Variants in UBA6 observed in about 807,000 individuals in gnomAD.
UBA6 encodes ubiquitin like modifier activating enzyme 6, also known as ubiquitin-like modifier-activating enzyme 6.
A neutral mutation model predicts 148.3 loss-of-function variants in UBA6; 87 were observed. The observed-to-expected ratio is 0.59, with a 90% CI of 0.49 to 0.70. UBA6 has a LOEUF of 0.70. Ranked by LOEUF, UBA6 falls within the 30% of genes least tolerant of loss-of-function variation. The probability of loss-of-function intolerance (pLI) is 0.00; values close to 1 mark genes in which losing one functional copy is unlikely to be tolerated. For missense variants in UBA6, 1,186 were observed against 1,241.2 expected, an observed-to-expected ratio of 0.96 and a Z score of 0.67; for synonymous variants, 376 against 401.0, an observed-to-expected ratio of 0.94 and a Z score of 0.75.
intron 28 of UBA6, 52 bp downstream of exon 28, chr4:67,626,308 G>GA: frequency 9.1e-7 from 1 of 1,095,882 alleles, no homozygotes; most frequent in Middle Eastern, 2.4e-4. Context: ...AGAGCTTAGT[G>GA]AAAATAAAAA....
chr4:67,631,025 C>T (rs1728984712), intron 25 of UBA6, among the ~76,000 whole-genome samples: 2 of 152,062 alleles, frequency 1.3e-5, no homozygotes, highest in African/African-American at 4.8e-5. Context: ...GAGTTATCTG[C>T]TGAAAGGAAG....
At chr4:67,637,965 T>TAAAA (rs1553905914) in intron 19 of UBA6, among the ~76,000 whole-genome samples, 1 of 150,008 alleles carries the variant, frequency 6.7e-6, no homozygotes, top group Non-Finnish European at 1.5e-5. Context: ...AATAAATAAA[T>TAAAA]AAAAAGAAAT....
chr4:67,691,581 AT>A (rs981819871), intron 2 of UBA6, among the ~76,000 whole-genome samples: 2 of 152,186 alleles, frequency 1.3e-5, no homozygotes, highest in Non-Finnish European at 2.9e-5. Context: ...ATATTTTTTC[AT>A]CATGTTTAAT....
intron 2 of UBA6, among the ~76,000 whole-genome samples, chr4:67,692,475 C>A (rs983444583): frequency 1.3e-5 from 2 of 152,154 alleles, no homozygotes; most frequent in African/African-American, 4.8e-5. Flanking sequence ...AAGCTGCTAA[C>A]CCCTGAGCAT....
intron 13 of UBA6, among the ~76,000 whole-genome samples, chr4:67,657,305 G>C (rs1398106866): frequency 2.0e-5 from 3 of 152,088 alleles, no homozygotes; most frequent in African/African-American, 7.2e-5. Context: ...ACAGTAACCA[G>C]AACAGCATGG....
chr4:67,631,656 C>T, intron 25 of UBA6, 52 bp downstream of exon 25: 1 of 1,347,620 alleles, frequency 7.4e-7, no homozygotes, highest in Non-Finnish European at 1.0e-6. Flanking sequence ...AAGGAATTTA[C>T]AGTAAAGAAA....
intron 10 of UBA6, 67 bp from the exon 11 acceptor site, chr4:67,664,014 C>A: frequency 3.2e-6 from 4 of 1,265,124 alleles, no homozygotes; most frequent in Non-Finnish European, 4.5e-6. Context: ...TATACTGTTA[C>A]ATGTCAGTGC....
At chr4:67,700,146 T>C (rs1730942171) in intron 1 of UBA6, among the ~76,000 whole-genome samples, 1 of 152,184 alleles carries the variant, frequency 6.6e-6, no homozygotes, top group Non-Finnish European at 1.5e-5. Flanking sequence ...TCAAAAACGC[T>C]TCAAATAAGG....
At position 67,670,478 on chromosome 4, in the gene UBA6, T is replaced by C. The variant is rs1040616344; in HGVS notation, c.661A>G (p.Ile221Val). Residue 221 changes from isoleucine to valine, a missense_variant, in exon 8 of 33, where the codon ATA becomes GTA. Physicochemically the swap from Ile to Val is conservative, Grantham distance 29. Transcript: ENST00000322244. The stretch of plus-strand genomic sequence containing the variant: ...CATTAATATAATCATACTTGCGTTA[T>C]GTTTGAAATGAAAATTTCTTTTGGT... ...EEPKEIFISN[I>V]TQANPGIVTC... The C allele has an allele frequency of 5.7e-6, 9 of 1,570,724 alleles. No individual in the cohort carries two copies. The highest frequency in any genetic ancestry group is 2.7e-5 in the African/African-American group (2 of 73,768).
At chr4:67,653,568 A>C (rs1729610055) in intron 13 of UBA6, among the ~76,000 whole-genome samples, 1 of 152,010 alleles carries the variant, frequency 6.6e-6, no homozygotes, top group South Asian at 2.1e-4. Context: ...TAAAAATACA[A>C]AGATGGGGAG....
At chr4:67,671,002 G>C (rs1318834224) in intron 7 of UBA6, among the ~76,000 whole-genome samples, 5 of 151,992 alleles carry the variant, frequency 3.3e-5, no homozygotes, top group African/African-American at 1.2e-4. Context: ...AAAAGCAGCA[G>C]AGTTAATGGA....
intron 13 of UBA6, among the ~76,000 whole-genome samples, chr4:67,657,826 CA>C (rs57984969): frequency 0.36 from 41,788 of 114,960 alleles, 6,514 homozygotes; most frequent in Middle Eastern, 0.48. Flanking sequence ...AACAAATTTA[CA>C]AAAAAAAAAA....
At chr4:67,636,409 C>T (rs1729141563) in intron 19 of UBA6, among the ~76,000 whole-genome samples, 1 of 152,198 alleles carries the variant, frequency 6.6e-6, no homozygotes. Context: ...GTCTCCCTCT[C>T]CCTCTCTTTC....
intron 13 of UBA6, among the ~76,000 whole-genome samples, chr4:67,650,022 CTACT>C (rs1729515780): frequency 2.0e-5 from 3 of 152,138 alleles, no homozygotes; most frequent in Admixed American, 2.0e-4. Context: ...AAAATGGTTA[CTACT>C]TACTATTCCA....
intron 22 of UBA6, 94 bp downstream of exon 22, chr4:67,634,148 T>C (rs1577795192): frequency 2.6e-6 from 2 of 775,528 alleles, no homozygotes; most frequent in African/African-American, 1.8e-5. Flanking sequence ...AATCACTCTT[T>C]ATGGAGGTAA....
At chr4:67,653,574 G>C (rs1412451819) in intron 13 of UBA6, among the ~76,000 whole-genome samples, 4 of 148,412 alleles carry the variant, frequency 2.7e-5, no homozygotes, top group African/African-American at 7.9e-5. Flanking sequence ...TACAAAGATG[G>C]GGAGAAACCA....
At chr4:67,680,366 G>T (rs1200987438) in intron 4 of UBA6, among the ~76,000 whole-genome samples, 2 of 152,086 alleles carry the variant, frequency 1.3e-5, no homozygotes, top group Admixed American at 1.3e-4. Flanking sequence ...TTGCCAAAAA[G>T]AATCAAATCT....
intron 13 of UBA6, among the ~76,000 whole-genome samples, chr4:67,654,496 T>G (rs1356728052): frequency 1.3e-5 from 2 of 152,136 alleles, no homozygotes; most frequent in Non-Finnish European, 2.9e-5. Context: ...CTGAGAGATT[T>G]TGTCACCACC....
rs745642814 is a variant in UBA6 at position 67,629,045 on chromosome 4, C to T, written c.2400+26G>A. On this transcript the variant is annotated intron_variant, in intron 27 of 32. Coordinates refer to ENST00000322244, the MANE Select transcript of UBA6 (RefSeq NM_018227.6). ...CAAGTCCAAATTCCCAAACTATTTG[C>T]TGAATGAATGATTTTTTAAACATAC... 4.0e-6 allele frequency: 6 copies of T among 1,514,118 alleles called. No individual in the cohort carries two copies. In the African/African-American group the frequency reaches 8.2e-5, roughly 21 times the overall value. The allele number at this position is 1,514,118 out of a possible 1,614,324, so 93.8% of individuals were successfully genotyped here.
Sources: allele counts gnomAD v4.1 joint callset (sites outside exome capture counted in the v4.1 genomes callset), GRCh38; gene constraint gnomAD v4.1.1; transcripts MANE v1.5; gene names NCBI Gene and HGNC (gene_info 2026-07-23, HGNC 2026-07-21).